Variants in MAPK4 observed in about 807,000 individuals in gnomAD.
MAPK4 encodes the protein mitogen-activated protein kinase 4.
MAPK4 carries 22 observed loss-of-function variants against 47.7 expected under a neutral mutation model. The ratio of observed to expected loss-of-function variants is 0.46; its 90% confidence interval spans 0.33 to 0.66. The LOEUF is 0.66. MAPK4 is among the 30% of genes least tolerant of loss of function. The pLI, the probability that MAPK4 is intolerant of heterozygous loss-of-function variation, is 0.02. For missense variants in MAPK4, 736 were observed against 831.7 expected, an observed-to-expected ratio of 0.88 and a Z score of 1.42; for synonymous variants, 390 against 365.7, an observed-to-expected ratio of 1.07 and a Z score of -0.76.
intron 1 of MAPK4, among the ~76,000 whole-genome samples, chr18:50,636,598 G>A (rs919821429): frequency 6.6e-6 from 1 of 152,136 alleles, no homozygotes; most frequent in Non-Finnish European, 1.5e-5. Flanking sequence ...TGTTCCACAT[G>A]ACATGTCTGC....
intron 1 of MAPK4, among the ~76,000 whole-genome samples, chr18:50,644,387 G>C (rs1237370288): frequency 6.6e-6 from 1 of 152,096 alleles, no homozygotes; most frequent in African/African-American, 2.4e-5. Context: ...AGTCACACTT[G>C]CCATTGGGTA....
At chr18:50,685,548 G>T (rs1043292338) in intron 2 of MAPK4, among the ~76,000 whole-genome samples, 2 of 152,180 alleles carry the variant, frequency 1.3e-5, no homozygotes, top group Admixed American at 6.5e-5. Flanking sequence ...CAGTGCATGT[G>T]GGGGAGGCAC....
chr18:50,594,192 T>G (rs1022055912), intron 1 of MAPK4, among the ~76,000 whole-genome samples: 30 of 152,324 alleles, frequency 2.0e-4, no homozygotes, highest in Non-Finnish European at 4.0e-4. Flanking sequence ...GCCTGCTTTA[T>G]TCTAGCCGCG....
At chr18:50,621,889 T>C (rs2053249) in intron 1 of MAPK4, among the ~76,000 whole-genome samples, 54,518 of 152,164 alleles carry the variant, frequency 0.36, 10,025 homozygotes, top group Middle Eastern at 0.4. Flanking sequence ...CATCATTTCA[T>C]GTGCTGCCCA....
At position 50,722,070 on chromosome 18, in the gene MAPK4, G is replaced by A. The variant is rs779386468; in HGVS notation, c.824G>A (p.Arg275His). Residue 275 changes from arginine to histidine, a missense_variant, in exon 4 of 6, where the codon CGC (arginine) becomes CAC (histidine). By Grantham distance (29) the Arg-to-His change is conservative. Coordinates refer to ENST00000400384, the MANE Select transcript of MAPK4 (RefSeq NM_002747.4). ...ACCTGGGAGGTGAAGAGGCCTCTGCGCAAGCTGCTCCCTGAAGTGAACAGT... is the reference window on the plus strand; with the variant it reads ...ACCTGGGAGGTGAAGAGGCCTCTGCACAAGCTGCTCCCTGAAGTGAACAGT... ...SSTWEVKRPL[R>H]KLLPEVNSEA... 49 of 1,613,152 alleles carry A rather than the reference G, an allele frequency of 3.0e-5. No individual in the cohort carries two copies. The highest frequency in any genetic ancestry group is 4.4e-5 in the South Asian group (4 of 90,958).
At chr18:50,569,787 C>G (rs1023773533) in intron 1 of MAPK4, among the ~76,000 whole-genome samples, 5 of 152,204 alleles carry the variant, frequency 3.3e-5, no homozygotes, top group African/African-American at 1.2e-4. Flanking sequence ...AGCGGTTTAC[C>G]AGGCCTCAGG....
At chr18:50,705,013 C>T (rs74930476) in intron 2 of MAPK4, 1 of 372,314 alleles carries the variant, frequency 2.7e-6, no homozygotes, top group African/African-American at 2.1e-5. Context: ...CCAGGTTGGT[C>T]CCAGGCAAGA....
In MAPK4 at chr18:50,660,289, G is replaced by A. The variant is rs188144950; in HGVS notation, c.-870-2800G>A. Among the ~76,000 whole-genome samples, 30 of 152,348 alleles carry A rather than the reference G, an allele frequency of 2.0e-4. No individual in the cohort carries two copies. The East Asian group carries it at 5.0e-3, about 25-fold the overall frequency. ...TGATTAGAGCACTGAAACTCTAAGA[G>A]AGGCAGCATCTAAGCAGAATATGTT... On this transcript the variant is annotated intron_variant, in intron 1 of 5. Coordinates refer to ENST00000400384, the MANE Select transcript of MAPK4 (RefSeq NM_002747.4).
intron 1 of MAPK4, among the ~76,000 whole-genome samples, chr18:50,641,970 C>T (rs563492458): frequency 1.8e-4 from 28 of 152,246 alleles, no homozygotes; most frequent in Admixed American, 5.9e-4. Context: ...ACATTACTTC[C>T]GAAAGCCCTT....
intron 2 of MAPK4, among the ~76,000 whole-genome samples, chr18:50,708,330 A>G (rs1910168199): frequency 6.6e-6 from 1 of 152,176 alleles, no homozygotes; most frequent in South Asian, 2.1e-4. Flanking sequence ...TCTTTTGATG[A>G]GTGTCTGTAA....
chr18:50,648,176 T>C (rs1434718977), intron 1 of MAPK4, among the ~76,000 whole-genome samples: 1 of 151,272 alleles, frequency 6.6e-6, no homozygotes, highest in Non-Finnish European at 1.5e-5. Flanking sequence ...CTCTGTGAAC[T>C]GGAGGGATGT....
chr18:50,683,878 G>A (rs142675821), intron 2 of MAPK4, among the ~76,000 whole-genome samples: 2 of 152,256 alleles, frequency 1.3e-5, no homozygotes, highest in Non-Finnish European at 2.9e-5. Flanking sequence ...ACTAACAGTG[G>A]TTAGATTGTC....
chr18:50,625,070 C>T (rs1270234885), intron 1 of MAPK4, among the ~76,000 whole-genome samples: 1 of 152,226 alleles, frequency 6.6e-6, no homozygotes, highest in Non-Finnish European at 1.5e-5. Flanking sequence ...AAATGAAAGA[C>T]ATCCTTGATG....
intron 1 of MAPK4, among the ~76,000 whole-genome samples, chr18:50,582,286 T>A (rs2042352346): frequency 6.6e-6 from 1 of 152,186 alleles, no homozygotes; most frequent in Admixed American, 6.5e-5. Flanking sequence ...ACAGCGAGGA[T>A]GCTCAGGTGC....
chr18:50,617,127 G>A (rs545816663), intron 1 of MAPK4, among the ~76,000 whole-genome samples: 2 of 152,306 alleles, frequency 1.3e-5, no homozygotes, highest in Admixed American at 1.3e-4. Context: ...ACCCTTTGAT[G>A]AGGGAATAAT....
At chr18:50,641,346 TG>T (rs2042939423) in intron 1 of MAPK4, among the ~76,000 whole-genome samples, 1 of 147,016 alleles carries the variant, frequency 6.8e-6, no homozygotes, top group Admixed American at 6.6e-5. Context: ...CATACAGGTT[TG>T]TAGATTTTAA....
intron 2 of MAPK4, among the ~76,000 whole-genome samples, chr18:50,711,205 G>T (rs555516583): frequency 6.6e-6 from 1 of 152,240 alleles, no homozygotes. Flanking sequence ...CAGGGCAGCT[G>T]CTGCTAGATT....
chr18:50,714,904 G>C (rs184613629), intron 2 of MAPK4, among the ~76,000 whole-genome samples, 175 bp from the exon 3 acceptor site: 1 of 152,198 alleles, frequency 6.6e-6, no homozygotes, highest in African/African-American at 2.4e-5. Context: ...ACCAGGCCCA[G>C]CCCCTCTAAC....
At chr18:50,705,052 A>G in intron 2 of MAPK4, 1 of 333,294 alleles carries the variant, frequency 3.0e-6, no homozygotes, top group Non-Finnish European at 5.4e-6. Context: ...CGGCTTCCAC[A>G]CGGTAGCATG....
Sources: allele counts gnomAD v4.1 joint callset (sites outside exome capture counted in the v4.1 genomes callset), GRCh38; gene constraint gnomAD v4.1.1; transcripts MANE v1.5; gene names NCBI Gene and HGNC (gene_info 2026-07-23, HGNC 2026-07-21).